Variants in ROBO1 observed in about 807,000 individuals in gnomAD.
ROBO1 encodes roundabout homolog 1.
In ROBO1, 149 loss-of-function variants were observed where a neutral mutation model predicts 195.9. That is an observed-to-expected ratio of 0.76 (90% CI 0.67 to 0.87). ROBO1 has a LOEUF of 0.87. Among genes scored for constraint, ROBO1 ranks in the 40% least tolerant of loss-of-function variants. ROBO1 has a pLI of 0.00. For missense variants in ROBO1, 1,933 were observed against 2,068.3 expected (o/e 0.93, Z 1.27); for synonymous variants, 816 against 733.2 (o/e 1.11, Z -1.82).
intron 8 of ROBO1, among the ~76,000 whole-genome samples, chr3:78,689,330 T>A (rs2081118948): frequency 6.6e-6 from 1 of 152,164 alleles, no homozygotes. Context: ...AGAATATATA[T>A]GGAAATGAGG....
At chr3:78,985,393 T>C (rs1450529163) in intron 3 of ROBO1, among the ~76,000 whole-genome samples, 3 of 152,174 alleles carry the variant, frequency 2.0e-5, no homozygotes, top group African/African-American at 7.2e-5. Flanking sequence ...GTTAATTCAC[T>C]GTTTATGTTA....
intron 2 of ROBO1, among the ~76,000 whole-genome samples, chr3:79,158,857 G>A (rs1252383912): frequency 1.3e-5 from 2 of 151,730 alleles, no homozygotes; most frequent in African/African-American, 4.8e-5. Context: ...ATGTAAGCCT[G>A]CTGTTTTGGG....
chr3:79,077,640 G>A (rs2079197170), intron 3 of ROBO1, among the ~76,000 whole-genome samples: 2 of 151,704 alleles, frequency 1.3e-5, no homozygotes, highest in Non-Finnish European at 2.9e-5. Flanking sequence ...TATGTTAACT[G>A]AGCAACCACC....
chr3:78,887,758 T>C (rs889984896), intron 4 of ROBO1, among the ~76,000 whole-genome samples: 2 of 152,130 alleles, frequency 1.3e-5, no homozygotes, highest in Admixed American at 6.6e-5. Flanking sequence ...CATAGATATG[T>C]TAGGCTAACC....
chr3:79,355,440 G>A (rs1341121774), intron 2 of ROBO1, among the ~76,000 whole-genome samples: 2 of 152,014 alleles, frequency 1.3e-5, no homozygotes, highest in African/African-American at 4.8e-5. Context: ...CTCTCTTCTA[G>A]CTACTTGGAA....
intron 1 of ROBO1, among the ~76,000 whole-genome samples, chr3:79,663,021 G>A (rs1161616699): frequency 6.6e-6 from 1 of 152,008 alleles, no homozygotes; most frequent in East Asian, 1.9e-4. Context: ...TTTGATGTTA[G>A]AACTCAGAAG....
intron 1 of ROBO1, among the ~76,000 whole-genome samples, chr3:79,717,805 G>T (rs1407160241): frequency 1.3e-5 from 2 of 152,034 alleles, no homozygotes; most frequent in African/African-American, 4.8e-5. Context: ...TTATGTGTTT[G>T]TGTGTGAATG....
At position 79,011,503 on chromosome 3, in the gene ROBO1, T is replaced by TG. The variant is rs111852190; in HGVS notation, c.173-72577dup. Among the ~76,000 whole-genome samples the TG allele has an allele frequency of 7.9e-5, 12 of 152,222 alleles. 1 individual carries two copies. Among genetic ancestry groups the TG allele is most frequent in the African/African-American group, 2.9e-4 (12 of 41,558 alleles). On this transcript the variant is annotated intron_variant, in intron 3 of 30. Coordinates refer to ENST00000464233, the MANE Select transcript of ROBO1 (RefSeq NM_002941.4). ...TTTGTGACCTGATTCATTCATTCTT[T>TG]GGCTTCATGTTCTTTTCCTACTCTA...
chr3:78,734,180 G>C (rs1211593604), intron 5 of ROBO1, among the ~76,000 whole-genome samples: 1 of 152,132 alleles, frequency 6.6e-6, no homozygotes, highest in African/African-American at 2.4e-5. Flanking sequence ...TGATTTTCAA[G>C]AGTTGGCGGA....
At chr3:79,018,860 G>A (rs1334335685) in intron 3 of ROBO1, 4 of 1,005,132 alleles carry the variant, frequency 4.0e-6, no homozygotes, top group South Asian at 4.3e-5. Context: ...GCGCGGCGGC[G>A]GCGGCAAAGT....
intron 28 of ROBO1, among the ~76,000 whole-genome samples, chr3:78,608,452 G>A (rs1703597163): frequency 6.6e-6 from 1 of 152,114 alleles, no homozygotes. Flanking sequence ...AATGAAAGTA[G>A]TCATAAAATT....
At chr3:78,669,906 A>G (rs1001682660) in intron 11 of ROBO1, among the ~76,000 whole-genome samples, 190 bp downstream of exon 11, 1 of 152,226 alleles carries the variant, frequency 6.6e-6, no homozygotes, top group African/African-American at 2.4e-5. Flanking sequence ...CATGGACTAA[A>G]TTATGAGTTA....
At chr3:79,677,753 C>T (rs1009442660) in intron 1 of ROBO1, among the ~76,000 whole-genome samples, 1 of 152,096 alleles carries the variant, frequency 6.6e-6, no homozygotes, top group Admixed American at 6.6e-5. Flanking sequence ...GTTCTACAAC[C>T]TTAAAGATAT....
intron 4 of ROBO1, among the ~76,000 whole-genome samples, chr3:78,922,277 G>C (rs2107603237): frequency 6.6e-6 from 1 of 151,896 alleles, no homozygotes; most frequent in East Asian, 1.9e-4. Flanking sequence ...AAAATGTTCA[G>C]GAAAATCATG....
At chr3:79,367,197 A>G (rs2036009696) in intron 2 of ROBO1, among the ~76,000 whole-genome samples, 1 of 152,146 alleles carries the variant, frequency 6.6e-6, no homozygotes, top group African/African-American at 2.4e-5. Flanking sequence ...AGTGTCATAC[A>G]TAGTATGTTA....
chr3:79,503,568 C>G (rs1038567143), intron 2 of ROBO1, among the ~76,000 whole-genome samples: 1 of 152,104 alleles, frequency 6.6e-6, no homozygotes, highest in Non-Finnish European at 1.5e-5. Context: ...CTTTTTGTCT[C>G]ATCTCTATAA....
intron 1 of ROBO1, among the ~76,000 whole-genome samples, chr3:79,599,283 A>T (rs544095367): frequency 6.6e-6 from 1 of 152,182 alleles, no homozygotes; most frequent in South Asian, 2.1e-4. Context: ...AATCTTTGAC[A>T]TCTGTTCAGC....
chr3:79,546,004 CTCT>C (rs1942249843), intron 2 of ROBO1, among the ~76,000 whole-genome samples: 2 of 152,060 alleles, frequency 1.3e-5, no homozygotes, highest in South Asian at 2.1e-4. Flanking sequence ...CCCCCTTTTT[CTCT>C]TCCTCCTGGC....
At chr3:78,844,229 T>A (rs1023128352) in intron 4 of ROBO1, among the ~76,000 whole-genome samples, 37 of 152,146 alleles carry the variant, frequency 2.4e-4, no homozygotes, top group Non-Finnish European at 5.3e-4. Context: ...GTGAATTTAG[T>A]TAGAACTAAA....
Sources: gnomAD v4.1 joint callset for allele counts (sites outside exome capture counted in the v4.1 genomes callset) on GRCh38, gnomAD v4.1.1 for gene constraint, MANE v1.5 for transcripts, NCBI Gene and HGNC (gene_info 2026-07-23, HGNC 2026-07-21) for gene names.